The following KLHL1 variants were observed in gnomAD, a reference collection of about 807,000 sequenced individuals.
KLHL1 encodes kelch-like protein 1.
A neutral mutation model predicts 77.7 loss-of-function variants in KLHL1; 47 were observed. The observed-to-expected ratio is 0.60, with a 90% CI of 0.48 to 0.77. The LOEUF (loss-of-function observed/expected upper bound fraction) is 0.77, where lower values mean the gene tolerates loss of function less well. KLHL1 is among the 30% of genes least tolerant of loss of function. The probability of loss-of-function intolerance (pLI) is 0.00; values close to 1 mark genes in which losing one functional copy is unlikely to be tolerated. For missense variants in KLHL1, 925 were observed against 910.8 expected (o/e 1.02, Z -0.20); for synonymous variants, 360 against 325.2 (o/e 1.11, Z -1.15).
chr13:69,883,631 G>T (rs1320068799), intron 4 of KLHL1, among the ~76,000 whole-genome samples: 2 of 152,172 alleles, frequency 1.3e-5, no homozygotes, highest in Non-Finnish European at 2.9e-5. Flanking sequence ...TGTATATCTA[G>T]ATCCTGACAC....
intron 2 of KLHL1, among the ~76,000 whole-genome samples, chr13:69,963,341 A>G (rs9572316): frequency 0.49 from 74,604 of 152,006 alleles, 19,066 homozygotes; most frequent in Non-Finnish European, 0.58. Context: ...ATCTTTGTAC[A>G]GTAATTATTT....
intron 3 of KLHL1, 85 bp downstream of exon 3, chr13:69,961,223 T>A (rs9592668): frequency 0.95 from 1,074,946 of 1,129,918 alleles, 513,239 homozygotes; most frequent in East Asian, 0.98. Context: ...GAATTTTTTT[T>A]AAAAAAGCGT....
intron 6 of KLHL1, among the ~76,000 whole-genome samples, chr13:69,833,856 T>TACAC (rs35739445): frequency 9.7e-5 from 14 of 143,966 alleles, no homozygotes; most frequent in South Asian, 2.1e-4. Context: ...CACACATATA[T>TACAC]ACACACACAC....
At chr13:69,732,065 A>C (rs1057250362) in intron 8 of KLHL1, among the ~76,000 whole-genome samples, 6 of 152,282 alleles carry the variant, frequency 3.9e-5, no homozygotes, top group Non-Finnish European at 8.8e-5. Context: ...GATTGGAAGG[A>C]GGGGAGTCAA....
At chr13:69,774,471 CTT>C (rs1055334670) in intron 7 of KLHL1, among the ~76,000 whole-genome samples, 6 of 151,854 alleles carry the variant, frequency 4.0e-5, no homozygotes, top group African/African-American at 1.4e-4. Flanking sequence ...ATGGAAATGA[CTT>C]TTGCCATATC....
chr13:70,076,008 T>C (rs1459445021), intron 1 of KLHL1, among the ~76,000 whole-genome samples: 1 of 151,450 alleles, frequency 6.6e-6, no homozygotes, highest in African/African-American at 2.4e-5. Flanking sequence ...AAGAGAGATA[T>C]TCTATATTCA....
In KLHL1 at chr13:69,906,913, A is replaced by G. The variant is rs996211803; in HGVS notation, c.1015-24418T>C. On this transcript the variant is annotated intron_variant, in intron 4 of 10. Transcript: ENST00000377844. ...TTTCTCAGTTTTTAGGACTATTACT[A>G]AATTACCATATTTTGAAATCATCTA... Among the ~76,000 whole-genome samples the G allele has an allele frequency of 3.9e-5, 6 of 152,158 alleles. No homozygotes were observed. In the South Asian group the frequency reaches 1.2e-3, roughly 32 times the overall value.
At position 69,959,634 on chromosome 13, in the gene KLHL1, G is replaced by C. The variant is rs952978098; in HGVS notation, c.817+1674C>G. Among the ~76,000 whole-genome samples, 5 of 141,918 alleles carry C rather than the reference G, an allele frequency of 3.5e-5. No homozygotes were observed. In the South Asian group the frequency reaches 6.8e-4, roughly 19 times the overall value. The allele number at this position is 141,918 out of a possible 152,430, so 93.1% of individuals were successfully genotyped here. ...AAGTCTTTTTAAAAACCTCTTGCTA[G>C]TTTGCTAGTTTTACAACCCGTAACT... On this transcript the variant is annotated intron_variant, in intron 3 of 10. Transcript: ENST00000377844.
rs537982178 is a variant in KLHL1 at position 69,858,058 on chromosome 13, A to AT, written c.1228-18897_1228-18896insA. Among the ~76,000 whole-genome samples, 697 of 152,222 alleles carry AT rather than the reference A, an allele frequency of 4.6e-3. 3 individuals carry two copies. The highest frequency in any genetic ancestry group is 7.6e-3 in the Non-Finnish European group (520 of 67,990). Reference sequence around the variant, plus strand: ...AGATACATCAGCAGAAGCAGATGTAAATAAGGGCAGAGGCCACGCCCTAAG... The same window carrying AT: ...AGATACATCAGCAGAAGCAGATGTAATATAAGGGCAGAGGCCACGCCCTAAG... On this transcript the variant is annotated intron_variant, in intron 5 of 10. Transcript: ENST00000377844.
At chr13:69,920,393 T>A (rs1400139775) in intron 4 of KLHL1, among the ~76,000 whole-genome samples, 3 of 152,142 alleles carry the variant, frequency 2.0e-5, no homozygotes, top group African/African-American at 7.2e-5. Flanking sequence ...TTAAGAAATA[T>A]TTAGGCAGTA....
chr13:69,877,684 G>A (rs1163143342), intron 5 of KLHL1, among the ~76,000 whole-genome samples: 3 of 151,866 alleles, frequency 2.0e-5, no homozygotes, highest in Non-Finnish European at 4.4e-5. Flanking sequence ...CTGGTCTATA[G>A]CAAAGTAAAT....
intron 3 of KLHL1, among the ~76,000 whole-genome samples, chr13:69,947,755 T>C (rs1398325171): frequency 2.0e-5 from 3 of 152,124 alleles, no homozygotes; most frequent in African/African-American, 7.2e-5. Context: ...TTAGCCAGTG[T>C]CAAGCTTCAA....
chr13:69,838,971 A>C lies in KLHL1; in HGVS notation c.1414+5T>G. ...GTATAGTTATATAAATCCAGAATTA[A>C]ATACCTTTGTTGTTATCCATTCCTC... On this transcript the variant is annotated splice_donor_5th_base_variant and intron_variant, in intron 6 of 10. Coordinates refer to ENST00000377844, the MANE Select transcript of KLHL1 (RefSeq NM_020866.3). 1 of 1,588,530 alleles carries C rather than the reference A, an allele frequency of 6.3e-7. No homozygotes were observed. Among genetic ancestry groups the C allele is most frequent in the Non-Finnish European group, 8.6e-7 (1 of 1,167,014 alleles).
chr13:69,716,404 T>C (rs1276350795), intron 9 of KLHL1, among the ~76,000 whole-genome samples: 2 of 150,650 alleles, frequency 1.3e-5, no homozygotes, highest in Non-Finnish European at 3.0e-5. Flanking sequence ...CCTAGTTTAG[T>C]GAAAAAAAAA....
chr13:69,719,343 C>CTG (rs1566357322), intron 9 of KLHL1, 26 bp downstream of exon 9: 1 of 1,591,396 alleles, frequency 6.3e-7, no homozygotes, highest in South Asian at 1.1e-5. Flanking sequence ...GTCTCTTTCG[C>CTG]TGTAACAGTG....
At chr13:69,764,907 C>A in intron 7 of KLHL1, among the ~76,000 whole-genome samples, 1 of 118,728 alleles carries the variant, frequency 8.4e-6, no homozygotes, top group East Asian at 2.7e-4. Flanking sequence ...CTCCTTTTCT[C>A]ATGCTTTCAT....
At position 69,885,324 on chromosome 13, in the gene KLHL1, A is replaced by G. The variant is rs17085598; in HGVS notation, c.1015-2829T>C. On this transcript the variant is annotated intron_variant, in intron 4 of 10. Transcript: ENST00000377844. Reference sequence around the variant, plus strand: ...TATAAGTTACACTAAATCTTTTGGTAACCAGCGGCGTTGTTTGTACAAACT... The same window carrying G: ...TATAAGTTACACTAAATCTTTTGGTGACCAGCGGCGTTGTTTGTACAAACT... 7.3e-3 allele frequency among the ~76,000 whole-genome samples: 1,107 copies of G among 152,290 alleles called. 21 individuals carry two copies. Among genetic ancestry groups the G allele is most frequent in the African/African-American group, 0.025 (1,059 of 41,544 alleles).
At chr13:69,737,283 G>A (rs1457987342) in intron 8 of KLHL1, among the ~76,000 whole-genome samples, 1 of 152,240 alleles carries the variant, frequency 6.6e-6, no homozygotes, top group Non-Finnish European at 1.5e-5. Flanking sequence ...GCAGCTGCTG[G>A]AGCAGGCACT....
chr13:69,716,423 G>C (rs746727273), intron 9 of KLHL1, among the ~76,000 whole-genome samples: 1 of 152,034 alleles, frequency 6.6e-6, no homozygotes, highest in Admixed American at 6.6e-5. Context: ...AAATGATGTA[G>C]AAAGAGTTTT....
Sources: gnomAD v4.1 joint callset for allele counts (sites outside exome capture counted in the v4.1 genomes callset) on GRCh38, gnomAD v4.1.1 for gene constraint, MANE v1.5 for transcripts, NCBI Gene and HGNC (gene_info 2026-07-23, HGNC 2026-07-21) for gene names.